Variants in COL26A1 observed in about 807,000 individuals in gnomAD.
The protein encoded by COL26A1 is collagen type XXVI alpha 1 chain, also known as collagen alpha-1(XXVI) chain.
COL26A1 carries 41 observed loss-of-function variants against 59.3 expected under a neutral mutation model. That is an observed-to-expected ratio of 0.69 (90% confidence interval 0.54 to 0.90). COL26A1 has a LOEUF of 0.90. Ranked by LOEUF, COL26A1 falls within the 40% of genes least tolerant of loss-of-function variation. The probability of loss-of-function intolerance (pLI) is 0.00; values close to 1 mark genes in which losing one functional copy is unlikely to be tolerated. For missense variants in COL26A1, 612 were observed against 602.3 expected (o/e 1.02, Z -0.17); for synonymous variants, 266 against 256.0 (o/e 1.04, Z -0.37).
At chr7:101,373,573 A>G (rs13246653) in intron 1 of COL26A1, among the ~76,000 whole-genome samples, 88,123 of 151,902 alleles carry the variant, frequency 0.58, 27,141 homozygotes, top group African/African-American at 0.8. Flanking sequence ...TGGGACACCG[A>G]GGCAGTGCCT....
chr7:101,557,556 TCCTGGCTAGAGACCCAGC>T lies in COL26A1; in HGVS notation c.*29_*46del. 1 of 1,583,190 alleles carries T rather than the reference TCCTGGCTAGAGACCCAGC, an allele frequency of 6.3e-7. No individual in the cohort carries two copies. The highest frequency in any genetic ancestry group is 1.1e-5 in the South Asian group (1 of 88,850). On this transcript the variant is annotated 3_prime_UTR_variant, in exon 13 of 13. Coordinates refer to ENST00000313669, the MANE Select transcript of COL26A1 (RefSeq NM_001278563.3). Reference sequence around the variant, plus strand: ...GAGCCCACTGCTCCAGGACACCCTGTCCTGGCTAGAGACCCAGCCCCAGAGGCCTGAGCCGCCGCTGTT... The same window carrying T: ...GAGCCCACTGCTCCAGGACACCCTGTCCCAGAGGCCTGAGCCGCCGCTGTT...
chr7:101,530,344 G>A (rs368119823), intron 3 of COL26A1, among the ~76,000 whole-genome samples: 1 of 151,862 alleles, frequency 6.6e-6, no homozygotes, highest in South Asian at 2.1e-4. Context: ...TGAGGTGGGC[G>A]GATCCCTTGA....
intron 3 of COL26A1, among the ~76,000 whole-genome samples, chr7:101,473,363 A>C (rs113296294): frequency 6.6e-6 from 1 of 151,982 alleles, no homozygotes; most frequent in Non-Finnish European, 1.5e-5. Flanking sequence ...GGCGTGAGCC[A>C]CTGCGCCCGG....
chr7:101,495,760 T>G (rs1176461049), intron 3 of COL26A1, among the ~76,000 whole-genome samples: 2 of 149,684 alleles, frequency 1.3e-5, no homozygotes, highest in Non-Finnish European at 1.5e-5. Flanking sequence ...ATCTGGTCAC[T>G]CTGTGCCTAG....
chr7:101,554,090 G>T (rs959078772), intron 11 of COL26A1, among the ~76,000 whole-genome samples: 12 of 152,130 alleles, frequency 7.9e-5, no homozygotes, highest in African/African-American at 1.2e-4. Flanking sequence ...GCCCTGAGAA[G>T]TTCACAGCCC....
intron 1 of COL26A1, among the ~76,000 whole-genome samples, chr7:101,384,825 T>C (rs991902416): frequency 6.6e-6 from 1 of 152,140 alleles, no homozygotes; most frequent in Non-Finnish European, 1.5e-5. Flanking sequence ...CAGCAGTGGT[T>C]CGTCCTAGTT....
intron 3 of COL26A1, among the ~76,000 whole-genome samples, chr7:101,489,846 CT>C (rs1563008270): frequency 1.3e-4 from 3 of 23,754 alleles, no homozygotes; most frequent in South Asian, 1.8e-3. Context: ...TTCTTTCTTT[CT>C]TTCTTTCTTT....
intron 3 of COL26A1, among the ~76,000 whole-genome samples, chr7:101,503,000 C>T (rs1466056983): frequency 6.6e-6 from 1 of 152,190 alleles, no homozygotes; most frequent in African/African-American, 2.4e-5. Context: ...CCCTCTGTGG[C>T]TCCCCAGGGC....
At chr7:101,384,744 GA>G (rs1791528075) in intron 1 of COL26A1, among the ~76,000 whole-genome samples, 1 of 152,148 alleles carries the variant, frequency 6.6e-6, no homozygotes, top group Admixed American at 6.6e-5. Flanking sequence ...GTTGATTAAG[GA>G]GAATTGACTC....
Position 101,554,968 on chromosome 7 carries a change from G to A in COL26A1, c.1081-819G>A, listed in dbSNP as rs540471661. Among the ~76,000 whole-genome samples, 8 of 152,098 alleles carry A rather than the reference G, an allele frequency of 5.3e-5. No homozygotes were observed. The East Asian group carries it at 1.2e-3, about 22-fold the overall frequency. ...CTATAACCCAGTAGGATGCTTTTTG[G>A]TTTCCTTTTGTTTCATTTTAAGCTA... is the stretch of plus-strand genomic sequence containing the variant. On this transcript the variant is annotated intron_variant, in intron 11 of 12. Transcript: ENST00000313669.
At chr7:101,385,404 T>G (rs1017756809) in intron 1 of COL26A1, among the ~76,000 whole-genome samples, 3 of 150,912 alleles carry the variant, frequency 2.0e-5, no homozygotes, top group African/African-American at 7.3e-5. Flanking sequence ...GGAGTCTCAC[T>G]CTGTTGCCCA....
At chr7:101,511,744 A>G (rs1439778765) in intron 3 of COL26A1, among the ~76,000 whole-genome samples, 1 of 152,152 alleles carries the variant, frequency 6.6e-6, no homozygotes, top group Non-Finnish European at 1.5e-5. Context: ...CTGAAGTCCA[A>G]TTCTGCCAGG....
Position 101,558,764 on chromosome 7 carries a change from A to G in COL26A1, c.*1234A>G, listed in dbSNP as rs1424462659. On this transcript the variant is annotated 3_prime_UTR_variant, in exon 13 of 13. Coordinates refer to ENST00000313669, the MANE Select transcript of COL26A1 (RefSeq NM_001278563.3). ...CTGGGCTGGGACCTGGGACACAGCC[A>G]CGGCAGCAAACTCAGAGAATTGAAG... 6.6e-6 allele frequency: 1 copy of G among 152,294 alleles called. No individual in the cohort carries two copies. Among genetic ancestry groups the G allele is most frequent in the African/African-American group, 2.4e-5 (1 of 41,436 alleles). 9.4% of individuals were successfully genotyped at this position (152,294 alleles called of 1,614,324 possible).
At chr7:101,367,815 A>C (rs1294768394) in intron 1 of COL26A1, among the ~76,000 whole-genome samples, 1 of 152,192 alleles carries the variant, frequency 6.6e-6, no homozygotes, top group African/African-American at 2.4e-5. Context: ...TTGATCTTAG[A>C]CTTCCCAGCC....
chr7:101,534,603 G>A (rs948461780), intron 4 of COL26A1, among the ~76,000 whole-genome samples: 1 of 150,486 alleles, frequency 6.6e-6, no homozygotes, highest in African/African-American at 2.5e-5. Flanking sequence ...GGATACTCAG[G>A]CATACATACA....
At chr7:101,435,984 G>A (rs1006188304) in intron 2 of COL26A1, among the ~76,000 whole-genome samples, 8 of 152,210 alleles carry the variant, frequency 5.3e-5, no homozygotes, top group African/African-American at 1.9e-4. Context: ...CTGGATTGAA[G>A]TGCTTTCTTA....
At chr7:101,489,172 T>C (rs547412852) in intron 3 of COL26A1, among the ~76,000 whole-genome samples, 1 of 152,330 alleles carries the variant, frequency 6.6e-6, no homozygotes, top group African/African-American at 2.4e-5. Flanking sequence ...GCCGTGATTT[T>C]TTTTTTCCTC....
At chr7:101,487,581 A>G (rs1353255489) in intron 3 of COL26A1, among the ~76,000 whole-genome samples, 3 of 151,522 alleles carry the variant, frequency 2.0e-5, no homozygotes, top group Non-Finnish European at 2.9e-5. Flanking sequence ...CAAACCATCC[A>G]TGAAGCTGGG....
chr7:101,409,286 G>A (rs369325418), intron 1 of COL26A1, among the ~76,000 whole-genome samples: 1 of 152,128 alleles, frequency 6.6e-6, no homozygotes, highest in East Asian at 1.9e-4. Context: ...AAGGACCTAT[G>A]AGGGGATATT....
Sources: gnomAD v4.1 joint callset for allele counts (sites outside exome capture counted in the v4.1 genomes callset) on GRCh38, gnomAD v4.1.1 for gene constraint, MANE v1.5 for transcripts, NCBI Gene and HGNC (gene_info 2026-07-23, HGNC 2026-07-21) for gene names.